TIMELESS: variants seen among roughly 807,000 people sequenced by gnomAD.
TIMELESS encodes the protein protein timeless homolog.
A neutral mutation model predicts 164.3 loss-of-function variants in TIMELESS; 124 were observed. The observed-to-expected ratio is 0.75, with a 90% CI of 0.65 to 0.88. The LOEUF is 0.88. TIMELESS is among the 40% of genes least tolerant of loss of function. The probability of loss-of-function intolerance (pLI) is 0.00; values close to 1 mark genes in which losing one functional copy is unlikely to be tolerated. For synonymous variants in TIMELESS, 564 were observed against 563.4 expected, an observed-to-expected ratio of 1.00 and a Z score of -0.02; for missense variants, 1,422 against 1,491.4, an observed-to-expected ratio of 0.95 and a Z score of 0.77.
chr12:56,418,356 T>C lies in TIMELESS; in HGVS notation c.3232A>G (p.Thr1078Ala), dbSNP rs1179018206. 4.4e-6 allele frequency: 7 copies of C among 1,604,062 alleles called. No homozygotes were observed. Among genetic ancestry groups the C allele is most frequent in the East Asian group, 2.2e-5 (1 of 44,774 alleles). The change falls in exon 27 of 29, where the codon ACC becomes GCC. Residue 1078 changes from threonine to alanine, a missense_variant. Transcript: ENST00000553532. Reference sequence around the variant, plus strand: ...AGCTTGGCTGGAATTCGCCAGAAGGTTTCCTACAGGGGCCAAAAAGTTGAA... The same window carrying C: ...AGCTTGGCTGGAATTCGCCAGAAGGCTTCCTACAGGGGCCAAAAAGTTGAA... ...GVRPPASGQE[T>A]FWRIPAKLSP...
intron 13 of TIMELESS, among the ~76,000 whole-genome samples, 191 bp from the exon 14 acceptor site, chr12:56,425,343 A>T (rs1451485138): frequency 6.6e-6 from 1 of 152,226 alleles, no homozygotes; most frequent in Non-Finnish European, 1.5e-5. Flanking sequence ...CTAGTGGTGG[A>T]GACAGGAAGT....
At chr12:56,421,222 C>T (rs931938096) in intron 23 of TIMELESS, 88 bp from the exon 24 acceptor site, 1 of 1,590,492 alleles carries the variant, frequency 6.3e-7, no homozygotes, top group Non-Finnish European at 8.6e-7. Context: ...ACCGCACCCC[C>T]CCGCGCCTGC....
chr12:56,418,393 C>G, intron 26 of TIMELESS, 34 bp from the exon 27 acceptor site: 1 of 1,500,034 alleles, frequency 6.7e-7, no homozygotes, highest in Non-Finnish European at 9.1e-7. Context: ...AGGGAAAGGA[C>G]CAGCTTTTTG....
chr12:56,445,682 A>G (rs1426565449), intron 1 of TIMELESS, among the ~76,000 whole-genome samples: 2 of 151,646 alleles, frequency 1.3e-5, no homozygotes, highest in Non-Finnish European at 2.9e-5. Flanking sequence ...GTGAGCTGAG[A>G]TCGCACCACT....
Position 56,420,467 on chromosome 12 carries a change from G to C in TIMELESS, c.3228+102C>G, listed in dbSNP as rs996867299. On this transcript the variant is annotated intron_variant, in intron 26 of 28. Coordinates refer to ENST00000553532, the MANE Select transcript of TIMELESS (RefSeq NM_003920.5). ...AGACAATGAGAAGGACCAAGATGAC[G>C]ATAAGGATAAGGAGGACCACCATGA... 3.5e-5 allele frequency: 27 copies of C among 774,038 alleles called. No individual in the cohort carries two copies. The African/African-American group carries it at 4.3e-4, about 12-fold the overall frequency. The allele number at this position is 774,038 out of a possible 1,614,324, so 47.9% of individuals were successfully genotyped here. A position where few individuals can be genotyped will look rare whatever the true frequency, so the allele number is the denominator to read the frequency against.
intron 5 of TIMELESS, 29 bp downstream of exon 5, chr12:56,433,352 G>A (rs1398243394): frequency 6.2e-7 from 1 of 1,612,722 alleles, no homozygotes; most frequent in South Asian, 1.1e-5. Flanking sequence ...GCTGTCCCAT[G>A]GTATCCTGTA....
At chr12:56,431,337 A>G in intron 8 of TIMELESS, 134 bp downstream of exon 8, 3 of 1,182,778 alleles carry the variant, frequency 2.5e-6, no homozygotes, top group South Asian at 1.6e-5. Flanking sequence ...CTGGGCGACA[A>G]GAGCAAAATT....
rs113128353 is a variant in TIMELESS, at chr12:56,425,114, G to A, written c.1617C>T (p.Val539=). 2.0e-4 allele frequency: 317 copies of A among 1,614,018 alleles called. 1 individual carries two copies. In the African/African-American group the frequency reaches 3.2e-3, roughly 16 times the overall value. The change falls in exon 14 of 29, where the codon GTC becomes GTT. Residue 539 remains valine (V), a synonymous_variant. Transcript: ENST00000553532. ...QKKRRKKKKK[V]LDQAIVSGNV... ...TACCAGAAACAATGGCCTGGTCTAG[G>A]ACCTTCTTCTTCTTCTTCCTTCTCT...
Position 56,417,470 on chromosome 12 carries a change from A to G in TIMELESS, c.*246T>C. 1 of 476,426 alleles carries G rather than the reference A, an allele frequency of 2.1e-6. No homozygotes were observed. Among genetic ancestry groups the G allele is most frequent in the South Asian group, 3.2e-5 (1 of 31,200 alleles). 29.5% of individuals were successfully genotyped at this position (476,426 alleles called of 1,614,324 possible). On this transcript the variant is annotated 3_prime_UTR_variant, in exon 29 of 29. Transcript: ENST00000553532. The stretch of plus-strand genomic sequence containing the variant: ...ATAACCAAAAGAAATGGTTCCTAGA[A>G]GAAGAGAACTAAATCTCCAGAGAGC...
chr12:56,448,772 G>A (rs1868447847), intron 1 of TIMELESS, among the ~76,000 whole-genome samples: 1 of 152,134 alleles, frequency 6.6e-6, no homozygotes, highest in Non-Finnish European at 1.5e-5. Flanking sequence ...ACTAGTCGAA[G>A]CACGAATGGC....
intron 15 of TIMELESS, 95 bp downstream of exon 15, chr12:56,424,667 A>G: frequency 6.8e-7 from 1 of 1,461,862 alleles, no homozygotes; most frequent in Non-Finnish European, 9.2e-7. Context: ...AGCCTTGATG[A>G]GACAACTCTC....
At position 56,439,470 on chromosome 12, in the gene TIMELESS, G is replaced by A. The variant is rs189228684; in HGVS notation, c.-61-5239C>T. ...TTGGAGTACAGATCAATCATGACTC[G>A]CTATAGCCTCAACTCCTTGGCCCAA... On this transcript the variant is annotated intron_variant, in intron 1 of 28. Coordinates refer to ENST00000553532, the MANE Select transcript of TIMELESS (RefSeq NM_003920.5). Among the ~76,000 whole-genome samples, 154 of 150,192 alleles carry A rather than the reference G, an allele frequency of 1.0e-3. 1 individual carries two copies. Among genetic ancestry groups the A allele is most frequent in the Admixed American group, 2.6e-3 (38 of 14,886 alleles).
Position 56,422,845 on chromosome 12 carries a change from AC to A in TIMELESS, c.2438+1del. The A allele has an allele frequency of 1.3e-6, 2 of 1,594,042 alleles. No homozygotes were observed. The highest frequency in any genetic ancestry group is 1.7e-6 in the Non-Finnish European group (2 of 1,168,978). On this transcript the variant is annotated splice_donor_variant, in intron 19 of 28. Transcript: ENST00000553532. LOFTEE classifies it high-confidence loss of function. ...CCCACCCTTTGCCAACTTCAAGCTCACCTGTCATCCAGGGAGCCATAGCCCT... is the reference window on the plus strand; with the variant it reads ...CCCACCCTTTGCCAACTTCAAGCTCACTGTCATCCAGGGAGCCATAGCCCT...
intron 1 of TIMELESS, among the ~76,000 whole-genome samples, chr12:56,434,465 C>T (rs543012202): frequency 9.8e-5 from 15 of 152,310 alleles, no homozygotes; most frequent in African/African-American, 2.6e-4. Context: ...TGGCCAGGCG[C>T]GGTGGCTCAC....
At position 56,433,540 on chromosome 12, in the gene TIMELESS, CTT is replaced by C. The variant is rs749847602; in HGVS notation, c.362_363del (p.Lys121ArgfsTer6). 4 of 1,614,104 alleles carry C rather than the reference CTT, an allele frequency of 2.5e-6. No homozygotes were observed. In the African/African-American group the frequency reaches 5.3e-5, roughly 22 times the overall value. On this transcript the variant is annotated frameshift_variant, in exon 4 of 29. Coordinates refer to ENST00000553532, the MANE Select transcript of TIMELESS (RefSeq NM_003920.5). LOFTEE classifies it high-confidence loss of function. The part of the protein sequence containing the change: ...LQVLTYLQAY[K>X]EAFASEKAFG... ...GGGACTCCAAAGGAAATCCTCACCT[CTT>C]TGTAGGCCTGCAAATAAGTTAGCAC...
At chr12:56,430,788 G>T in intron 9 of TIMELESS, 93 bp downstream of exon 9, 2 of 811,740 alleles carry the variant, frequency 2.5e-6, no homozygotes, top group Non-Finnish European at 1.9e-6. Flanking sequence ...ACAAGTGTGA[G>T]CCACCAGGCA....
In TIMELESS at chr12:56,416,577, C is replaced by T. The variant is rs1012753029; in HGVS notation, c.*1139G>A. The stretch of plus-strand genomic sequence containing the variant: ...TCTATGCCCCATGCCAACAAGCTGG[C>T]TTCTCTTCCTTTATGGCTCCTCCTT... On this transcript the variant is annotated 3_prime_UTR_variant, in exon 29 of 29. Coordinates refer to ENST00000553532, the MANE Select transcript of TIMELESS (RefSeq NM_003920.5). 7.2e-5 allele frequency: 11 copies of T among 152,286 alleles called. No homozygotes were observed. Among genetic ancestry groups the T allele is most frequent in the African/African-American group, 2.7e-4 (11 of 41,436 alleles). 9.4% of individuals were successfully genotyped at this position (152,286 alleles called of 1,614,324 possible).
intron 1 of TIMELESS, among the ~76,000 whole-genome samples, chr12:56,442,530 C>T (rs1473388582): frequency 6.6e-6 from 1 of 152,190 alleles, no homozygotes; most frequent in East Asian, 1.9e-4. Context: ...CACACATATC[C>T]TACTACTGTA....
At chr12:56,432,251 A>T in intron 7 of TIMELESS, 118 bp downstream of exon 7, 1 of 1,227,300 alleles carries the variant, frequency 8.1e-7, no homozygotes. Flanking sequence ...AGACATGGCT[A>T]CTCCTGCTGT....
Sources: allele counts gnomAD v4.1 joint callset (sites outside exome capture counted in the v4.1 genomes callset), GRCh38; gene constraint gnomAD v4.1.1; transcripts MANE v1.5; gene names NCBI Gene and HGNC (gene_info 2026-07-23, HGNC 2026-07-21).